Variants in KCTD8 observed in about 807,000 individuals in gnomAD.
The protein encoded by KCTD8 is BTB/POZ domain-containing protein KCTD8.
In KCTD8, 27 loss-of-function variants were observed where a neutral mutation model predicts 31.5. The ratio of observed to expected loss-of-function variants is 0.86; its 90% CI spans 0.63 to 1.18. The LOEUF (loss-of-function observed/expected upper bound fraction) is 1.18, where lower values mean the gene tolerates loss of function less well. Ranked by LOEUF, KCTD8 falls within the 50% of genes most tolerant of loss-of-function variation. The probability of loss-of-function intolerance (pLI) is 0.00; values close to 1 mark genes in which losing one functional copy is unlikely to be tolerated. For synonymous variants in KCTD8, 290 were observed against 280.0 expected (o/e 1.04, Z -0.36); for missense variants, 658 against 647.7 (o/e 1.02, Z -0.17).
intron 1 of KCTD8, among the ~76,000 whole-genome samples, chr4:44,317,540 G>A (rs553297474): frequency 6.6e-6 from 1 of 152,012 alleles, no homozygotes; most frequent in Non-Finnish European, 1.5e-5. Context: ...CGCCCGGCCC[G>A]GGTGCTTTCT....
chr4:44,174,670 A>G lies in KCTD8; in HGVS notation c.*120T>C. The G allele has an allele frequency of 1.4e-6, 1 of 719,598 alleles. No homozygotes were observed. Among genetic ancestry groups the G allele is most frequent in the Non-Finnish European group, 2.3e-6 (1 of 440,682 alleles). The allele number at this position is 719,598 out of a possible 1,614,324, so 44.6% of individuals were successfully genotyped here. A position where few individuals can be genotyped will look rare whatever the true frequency, so the allele number is the denominator to read the frequency against. ...TAAAAGAAAATACTGTCCCACATCC[A>G]CTGTTCACAACAAGGAAGAGCAGCA... On this transcript the variant is annotated 3_prime_UTR_variant, in exon 2 of 2. Transcript: ENST00000360029.
chr4:44,332,761 T>C (rs1164777497), intron 1 of KCTD8, among the ~76,000 whole-genome samples: 4 of 152,012 alleles, frequency 2.6e-5, no homozygotes, highest in Non-Finnish European at 5.9e-5. Flanking sequence ...ACAAATTCCA[T>C]CATAAATGTT....
chr4:44,347,290 A>G (rs1379749055), intron 1 of KCTD8, among the ~76,000 whole-genome samples: 1 of 152,232 alleles, frequency 6.6e-6, no homozygotes, highest in Non-Finnish European at 1.5e-5. Context: ...CATGACAATC[A>G]TGGTTGGAAC....
intron 1 of KCTD8, among the ~76,000 whole-genome samples, chr4:44,203,176 G>A (rs1218646236): frequency 6.6e-6 from 1 of 152,118 alleles, no homozygotes; most frequent in Non-Finnish European, 1.5e-5. Flanking sequence ...CTTAAAGACA[G>A]ATCATTGTAG....
intron 1 of KCTD8, among the ~76,000 whole-genome samples, chr4:44,242,896 G>A (rs967347056): frequency 2.6e-5 from 4 of 152,056 alleles, no homozygotes; most frequent in Admixed American, 2.6e-4. Flanking sequence ...ATGAGTAAAA[G>A]CTCCCTGAGA....
At chr4:44,212,793 A>G (rs1714529989) in intron 1 of KCTD8, among the ~76,000 whole-genome samples, 1 of 152,188 alleles carries the variant, frequency 6.6e-6, no homozygotes, top group African/African-American at 2.4e-5. Flanking sequence ...CTAAAAGTCT[A>G]TAAATTGTAG....
chr4:44,219,243 A>C (rs1714737771), intron 1 of KCTD8, among the ~76,000 whole-genome samples: 1 of 152,266 alleles, frequency 6.6e-6, no homozygotes, highest in African/African-American at 2.4e-5. Context: ...TGACAACACG[A>C]AACAAAAACC....
intron 1 of KCTD8, among the ~76,000 whole-genome samples, chr4:44,235,058 G>A (rs879316964): frequency 3.9e-5 from 6 of 151,988 alleles, no homozygotes; most frequent in Admixed American, 6.6e-5. Flanking sequence ...AAACCATTAA[G>A]TCAAAACATA....
intron 1 of KCTD8, among the ~76,000 whole-genome samples, chr4:44,243,641 G>C (rs1715568784): frequency 6.6e-6 from 1 of 152,164 alleles, no homozygotes; most frequent in African/African-American, 2.4e-5. Flanking sequence ...TTCATGGGAT[G>C]AAACAAATGT....
chr4:44,269,407 T>C (rs1028891244), intron 1 of KCTD8, among the ~76,000 whole-genome samples: 1 of 151,556 alleles, frequency 6.6e-6, no homozygotes, highest in Admixed American at 6.6e-5. Flanking sequence ...GATTAAAGAC[T>C]TAAATGTTAG....
chr4:44,216,150 C>T (rs1844630), intron 1 of KCTD8, among the ~76,000 whole-genome samples: 3,240 of 152,196 alleles, frequency 0.021, 65 homozygotes, highest in Admixed American at 0.052. Context: ...TGGGAGTTCA[C>T]TATGCTATAG....
intron 1 of KCTD8, among the ~76,000 whole-genome samples, chr4:44,341,967 T>C (rs1007964739): frequency 1.3e-5 from 2 of 152,214 alleles, no homozygotes; most frequent in African/African-American, 4.8e-5. Flanking sequence ...CTTAAAGGTC[T>C]TGATGCATGG....
At chr4:44,396,576 T>A (rs1452772463) in intron 1 of KCTD8, among the ~76,000 whole-genome samples, 1 of 152,042 alleles carries the variant, frequency 6.6e-6, no homozygotes, top group Non-Finnish European at 1.5e-5. Flanking sequence ...CTCATTAACA[T>A]AAAAATTCTG....
At chr4:44,263,447 G>A (rs1716242865) in intron 1 of KCTD8, among the ~76,000 whole-genome samples, 1 of 152,044 alleles carries the variant, frequency 6.6e-6, no homozygotes, top group Non-Finnish European at 1.5e-5. Context: ...CTTCTTAATC[G>A]TTTGCTGTTG....
At chr4:44,182,133 C>T (rs1307264839) in intron 1 of KCTD8, among the ~76,000 whole-genome samples, 1 of 151,428 alleles carries the variant, frequency 6.6e-6, no homozygotes, top group East Asian at 2.0e-4. Flanking sequence ...GGGGGTCAGC[C>T]CCCGCCCGGC....
At chr4:44,211,797 T>A (rs74652926) in intron 1 of KCTD8, among the ~76,000 whole-genome samples, 4 of 152,256 alleles carry the variant, frequency 2.6e-5, no homozygotes, top group South Asian at 2.1e-4. Flanking sequence ...ATTAAAAATA[T>A]CCCCAATGTT....
intron 1 of KCTD8, among the ~76,000 whole-genome samples, chr4:44,341,269 G>C (rs1411306998): frequency 1.3e-5 from 2 of 152,176 alleles, no homozygotes; most frequent in Non-Finnish European, 2.9e-5. Flanking sequence ...TGCTGGTGGA[G>C]GATCCTTGCC....
intron 1 of KCTD8, among the ~76,000 whole-genome samples, chr4:44,336,128 C>T (rs1465250862): frequency 1.9e-5 from 2 of 103,376 alleles, no homozygotes; most frequent in Admixed American, 1.6e-4. Flanking sequence ...CCAGCCTGGG[C>T]GACAGAGCGA....
intron 1 of KCTD8, among the ~76,000 whole-genome samples, chr4:44,195,910 A>G (rs1052630506): frequency 2.0e-5 from 3 of 152,260 alleles, no homozygotes; most frequent in African/African-American, 7.2e-5. Context: ...ACCTACTAGA[A>G]TAATAAAAAT....
Sources: allele counts gnomAD v4.1 joint callset (sites outside exome capture counted in the v4.1 genomes callset), GRCh38; gene constraint gnomAD v4.1.1; transcripts MANE v1.5; gene names NCBI Gene and HGNC (gene_info 2026-07-23, HGNC 2026-07-21).